The following ZFY variants were observed in gnomAD, a reference collection of about 807,000 sequenced individuals.
ZFY encodes zinc finger protein Y-linked.
For synonymous variants in ZFY, 47 were observed against 55.8 expected (o/e 0.84, Z 0.71); for missense variants, 113 against 170.9 (o/e 0.66, Z 1.89).
chrY:2,977,137 C>T (rs1603312241), intron 6 of ZFY, among the ~76,000 whole-genome samples: 1 of 15,390 alleles, frequency 6.5e-5, no homozygotes, highest in East Asian at 1.6e-3. Flanking sequence ...GCTGAGATTG[C>T]GCCACTGCAC....
chrY:2,978,216 G>A, intron 7 of ZFY, 136 bp downstream of exon 7: 2 of 158,061 alleles, frequency 1.3e-5, no homozygotes, highest in Non-Finnish European at 2.1e-5. Flanking sequence ...AGAAACAGTT[G>A]TGCATCAACC....
intron 1 of ZFY, among the ~76,000 whole-genome samples, chrY:2,945,471 C>A (rs2051259762): frequency 3.2e-5 from 1 of 31,068 alleles, no homozygotes; most frequent in South Asian, 7.6e-4. Flanking sequence ...GCTCCCCTCC[C>A]CTCCCCTCCC....
At chrY:2,942,184 G>A (rs2051244130) in intron 1 of ZFY, among the ~76,000 whole-genome samples, 1 of 31,276 alleles carries the variant, frequency 3.2e-5, no homozygotes, top group Non-Finnish European at 7.7e-5. Flanking sequence ...TTGAAATCCT[G>A]AGCTCAAGCG....
Position 2,980,164 on chromosome Y carries a change from C to T in ZFY, c.*171C>T. 6.1e-6 allele frequency: 1 copy of T among 164,284 alleles called. No homozygotes were observed. The highest frequency in any genetic ancestry group is 1.1e-5 in the Non-Finnish European group (1 of 92,319). 41.0% of individuals were successfully genotyped at this position (164,284 alleles called of 400,897 possible). The stretch of plus-strand genomic sequence containing the variant: ...TTTATTCAATACGCTGTCCTGAATC[C>T]TATTCAGTTTCTTTAATAGATGAGG... On this transcript the variant is annotated 3_prime_UTR_variant, in exon 8 of 8. Transcript: ENST00000155093.
At position 2,976,695 on chromosome Y, in the gene ZFY, T is replaced by C; in HGVS notation, c.954T>C (p.Val318=). The change falls in exon 6 of 8, where the codon GTT becomes GTC. Residue 318 remains valine, a synonymous_variant. Transcript: ENST00000155093. ...DLNVAEIADE[V]YMEVIVGEED... The stretch of plus-strand genomic sequence containing the variant: ...ATGTTGCTGAAATTGCTGATGAAGT[T>C]TATATGGAAGTGATCGTAGGAGAGG... 2.6e-6 allele frequency: 1 copy of C among 389,190 alleles called. No individual in the cohort carries two copies. The highest frequency in any genetic ancestry group is 7.9e-5 in the Admixed American group (1 of 12,657).
At position 2,979,564 on chromosome Y, in the gene ZFY, G is replaced by A; in HGVS notation, c.1977G>A (p.Lys659=). ...ISVHTKDYPH[K]CEMCEKGFHR... ...TTCATACGAAAGACTATCCTCATAA[G>A]TGTGAGATGTGCGAGAAAGGCTTTC... Residue 659 remains lysine, a synonymous_variant, in exon 8 of 8, where the codon AAG becomes AAA. Transcript: ENST00000155093. 1 of 398,868 alleles carries A rather than the reference G, an allele frequency of 2.5e-6. No individual in the cohort carries two copies.
intron 3 of ZFY, among the ~76,000 whole-genome samples, chrY:2,973,982 A>G (rs868831060): frequency 3.5e-5 from 1 of 28,906 alleles, no homozygotes. Flanking sequence ...TTTTTAATAC[A>G]TAAACATGAA....
chrY:2,976,124 T>G, intron 5 of ZFY, among the ~76,000 whole-genome samples: 2 of 28,818 alleles, frequency 6.9e-5, no homozygotes, highest in Admixed American at 6.3e-4. Context: ...TTTTTTTTTT[T>G]GAGACAGAGT....
chrY:2,966,659 C>T (rs761571040), intron 3 of ZFY, among the ~76,000 whole-genome samples: 1 of 33,082 alleles, frequency 3.0e-5, no homozygotes, highest in Admixed American at 2.7e-4. Context: ...TAAGAAGTTG[C>T]GTGAATTACA....
intron 1 of ZFY, among the ~76,000 whole-genome samples, chrY:2,946,112 C>G: frequency 3.2e-5 from 1 of 31,316 alleles, no homozygotes; most frequent in Non-Finnish European, 7.7e-5. Context: ...CAAAGGCATG[C>G]AAGGAGGTTT....
At chrY:2,974,455 A>G in intron 3 of ZFY, among the ~76,000 whole-genome samples, 1 of 32,982 alleles carries the variant, frequency 3.0e-5, no homozygotes, top group African/African-American at 1.2e-4. Flanking sequence ...AAGTGCTGGG[A>G]TTACAGACAT....
intron 1 of ZFY, among the ~76,000 whole-genome samples, chrY:2,938,759 G>T (rs2051225991): frequency 3.5e-5 from 1 of 28,450 alleles, no homozygotes; most frequent in Admixed American, 3.3e-4. Context: ...TCTAGTTTTC[G>T]TAGAAATGGG....
intron 3 of ZFY, among the ~76,000 whole-genome samples, chrY:2,972,500 C>T (rs1603311886): frequency 6.0e-5 from 2 of 33,061 alleles, no homozygotes; most frequent in Non-Finnish European, 1.5e-4. Flanking sequence ...AAGAACAAGA[C>T]GGGGAATTTG....
At chrY:2,942,003 A>G (rs2051243621) in intron 1 of ZFY, among the ~76,000 whole-genome samples, 1 of 30,741 alleles carries the variant, frequency 3.3e-5, no homozygotes, top group African/African-American at 1.3e-4. Flanking sequence ...TGGAGTGGTC[A>G]CAATTCATTT....
At chrY:2,976,614 CTG>C in intron 5 of ZFY, 54 bp from the exon 6 acceptor site, 1 of 257,979 alleles carries the variant, frequency 3.9e-6, no homozygotes, top group South Asian at 4.1e-5. Flanking sequence ...TGAATTTTTT[CTG>C]TGTGATCTCT....
chrY:2,947,029 A>T (rs2051263941), intron 1 of ZFY, among the ~76,000 whole-genome samples: 1 of 33,625 alleles, frequency 3.0e-5, no homozygotes, highest in Non-Finnish European at 7.4e-5. Context: ...AAAAAAAAAA[A>T]TTTTGAGGAA....
chrY:2,962,285 T>C (rs2051313955), intron 3 of ZFY, among the ~76,000 whole-genome samples: 1 of 33,702 alleles, frequency 3.0e-5, no homozygotes, highest in Non-Finnish European at 7.4e-5. Context: ...GGACATACTT[T>C]TGCTTATGCA....
chrY:2,954,276 A>G (rs755580083), intron 2 of ZFY, among the ~76,000 whole-genome samples: 2 of 33,339 alleles, frequency 6.0e-5, no homozygotes, highest in South Asian at 6.5e-4. Flanking sequence ...CTATTTTTCT[A>G]TTGGTACATT....
chrY:2,979,323 A>G lies in ZFY; in HGVS notation c.1736A>G (p.Tyr579Cys). ...EKPYQCQYCE[Y>C]RSADSSNLKT... ...CCATACCAATGCCAGTACTGTGAAT[A>G]TAGGTCTGCAGACTCTTCTAACTTG... is the stretch of plus-strand genomic sequence containing the variant. Residue 579 changes from tyrosine (Y) to cysteine (C), a missense_variant, in exon 8 of 8, where the codon TAT becomes TGT. By Grantham distance (194) the Tyr-to-Cys change is radical. Coordinates refer to ENST00000155093, the MANE Select transcript of ZFY (RefSeq NM_003411.4). 2.5e-6 allele frequency: 1 copy of G among 399,101 alleles called. No homozygotes were observed. Among genetic ancestry groups the G allele is most frequent in the Non-Finnish European group, 3.5e-6 (1 of 283,720 alleles).
Sources: allele counts gnomAD v4.1 joint callset (sites outside exome capture counted in the v4.1 genomes callset), GRCh38; gene constraint gnomAD v4.1.1; transcripts MANE v1.5; gene names NCBI Gene and HGNC (gene_info 2026-07-23, HGNC 2026-07-21).